Variants in GLI4 observed in about 807,000 individuals in gnomAD.
GLI4 encodes the protein GLI family zinc finger 4, also known as zinc finger protein GLI4.
GLI4 carries 34 observed loss-of-function variants against 30.9 expected under a neutral mutation model. The observed-to-expected ratio is 1.10, with a 90% CI of 0.84 to 1.47. GLI4 has a LOEUF of 1.47. GLI4 is among the 40% of genes most tolerant of loss of function. The probability of loss-of-function intolerance (pLI) is 0.00; values close to 1 mark genes in which losing one functional copy is unlikely to be tolerated. For synonymous variants in GLI4, 277 were observed against 236.7 expected (o/e 1.17, Z -1.56); for missense variants, 696 against 538.9 (o/e 1.29, Z -2.89).
At position 143,276,587 on chromosome 8, in the gene GLI4, T is replaced by A; in HGVS notation, c.914T>A (p.Ile305Asn). The A allele has an allele frequency of 4.4e-6, 7 of 1,601,192 alleles. No individual in the cohort carries two copies. The highest frequency in any genetic ancestry group is 6.0e-6 in the Non-Finnish European group (7 of 1,176,106). The change falls in exon 4 of 4, where the codon ATC becomes AAC. Residue 305 changes from isoleucine (I) to asparagine (N), a missense_variant. Physicochemically the swap from Ile to Asn is moderately radical, Grantham distance 149. Transcript: ENST00000340042. ...TGCAGCCAGTGCGGCAAGGCCTTCATCTGGAGCTCCGTGCTCATCGAGCAC... is the reference window on the plus strand; with the variant it reads ...TGCAGCCAGTGCGGCAAGGCCTTCAACTGGAGCTCCGTGCTCATCGAGCAC... ...YACSQCGKAF[I>N]WSSVLIEHQR...
rs539911918 is a variant in GLI4, at chr8:143,271,581, C to T, written c.124+2061C>T. On this transcript the variant is annotated intron_variant, in intron 2 of 3. Transcript: ENST00000340042. ...TAGGGATCAAGACAGGACTTGGAGC[C>T]GCAGCCTCCCAACTCCCAGAAAGAA... Among the ~76,000 whole-genome samples the T allele has an allele frequency of 2.7e-4, 41 of 152,288 alleles. No homozygotes were observed. In the South Asian group the frequency reaches 7.5e-3, roughly 28 times the overall value.
intron 3 of GLI4, chr8:143,275,639 GGCC>G (rs1227929478): frequency 1.6e-6 from 2 of 1,234,524 alleles, no homozygotes; most frequent in African/African-American, 3.1e-5. Context: ...GCACCGGCAC[GGCC>G]GCCGTGGTGA....
At position 143,276,089 on chromosome 8, in the gene GLI4, C is replaced by T; in HGVS notation, c.416C>T (p.Pro139Leu). ...QPPGAVPCAQPRGAWRVTLVQ... is the reference protein window; with the variant it reads ...QPPGAVPCAQLRGAWRVTLVQ... Reference sequence around the variant, plus strand: ...CCTGGGGCCGTCCCTTGCGCCCAGCCGCGGGGCGCCTGGCGCGTGACGCTC... The same window carrying T: ...CCTGGGGCCGTCCCTTGCGCCCAGCTGCGGGGCGCCTGGCGCGTGACGCTC... Residue 139 changes from proline to leucine, a missense_variant, in exon 4 of 4, where the codon CCG (proline) becomes CTG (leucine). Coordinates refer to ENST00000340042, the MANE Select transcript of GLI4 (RefSeq NM_138465.4). 8 of 1,412,590 alleles carry T rather than the reference C, an allele frequency of 5.7e-6. No homozygotes were observed. Among genetic ancestry groups the T allele is most frequent in the Non-Finnish European group, 7.3e-6 (8 of 1,094,340 alleles). 87.5% of individuals were successfully genotyped at this position (1,412,590 alleles called of 1,614,324 possible). A position where few individuals can be genotyped will look rare whatever the true frequency, so the allele number is the denominator to read the frequency against.
chr8:143,276,260 C>T lies in GLI4; in HGVS notation c.587C>T (p.Ser196Leu), dbSNP rs1285148710. ...EACGKSFKYN[S>L]LLLKHQRIHT... ...TGCGGCAAGAGTTTCAAGTATAACT[C>T]GCTGCTCCTGAAGCACCAGCGCATC... Residue 196 changes from serine to leucine, a missense_variant, in exon 4 of 4, where the codon TCG becomes TTG. Ser to Leu is a moderately radical substitution (Grantham distance 145). Coordinates refer to ENST00000340042, the MANE Select transcript of GLI4 (RefSeq NM_138465.4). 3 of 1,611,604 alleles carry T rather than the reference C, an allele frequency of 1.9e-6. No individual in the cohort carries two copies. Among genetic ancestry groups the T allele is most frequent in the East Asian group, 2.2e-5 (1 of 44,816 alleles).
At chr8:143,275,452 C>T in intron 3 of GLI4, 1 of 1,363,946 alleles carries the variant, frequency 7.3e-7, no homozygotes, top group Non-Finnish European at 9.4e-7. Context: ...ACACTTGCCA[C>T]CGAGGCCTGG....
chr8:143,274,675 A>AAG, intron 2 of GLI4, 29 bp from the exon 3 acceptor site: 2 of 1,533,014 alleles, frequency 1.3e-6, no homozygotes, highest in Non-Finnish European at 1.8e-6. Context: ...CAGAGGGTGG[A>AAG]GGTGAGCCCC....
Position 143,269,428 on chromosome 8 carries a change from C to T in GLI4, c.32C>T (p.Pro11Leu), listed in dbSNP as rs753198667. The part of the protein sequence containing the change: MAALGDIQES[P>L]SVPSPVSLSS... ...GCCCTAGGGGACATTCAGGAGTCCC[C>T]TTCTGTCCCGTCCCCTGTCAGTCTC... Residue 11 changes from proline to leucine, a missense_variant, in exon 2 of 4, where the codon CCT becomes CTT. Transcript: ENST00000340042. 7.5e-6 allele frequency: 12 copies of T among 1,608,912 alleles called. No homozygotes were observed. Among genetic ancestry groups the T allele is most frequent in the African/African-American group, 1.3e-5 (1 of 74,826 alleles).
Position 143,276,315 on chromosome 8 carries a change from C to T in GLI4, c.642C>T (p.His214=), listed in dbSNP as rs983688030. The change falls in exon 4 of 4, where the codon CAC becomes CAT. Residue 214 remains histidine (H), a synonymous_variant. Coordinates refer to ENST00000340042, the MANE Select transcript of GLI4 (RefSeq NM_138465.4). The stretch of plus-strand genomic sequence containing the variant: ...CGGGCGAGAAGCCCTACGCCTGCCA[C>T]GAGTGCGGCAAGCGCTTCCGCGGCT... ...IHTGEKPYAC[H]ECGKRFRGWS... is the part of the protein sequence containing the mutation. The T allele has an allele frequency of 3.1e-6, 5 of 1,611,720 alleles. No homozygotes were observed. Among genetic ancestry groups the T allele is most frequent in the Admixed American group, 3.3e-5 (2 of 59,812 alleles).
chr8:143,273,437 C>G (rs1169196554), intron 2 of GLI4: 1 of 152,342 alleles, frequency 6.6e-6, no homozygotes, highest in Non-Finnish European at 1.5e-5. Flanking sequence ...TATCGGGCCT[C>G]CCCTCACTCC....
rs1287649229 is a variant in GLI4 at position 143,275,798 on chromosome 8, GCC to G, written c.224-93_224-92del. On this transcript the variant is annotated intron_variant, in intron 3 of 3. Transcript: ENST00000340042. Reference sequence around the variant, plus strand: ...CCTGGCCCCTCCTTGTCCCCTCTAAGCCCCCCCGTCCAGCTCTGCTCTCACTC... The same window carrying G: ...CCTGGCCCCTCCTTGTCCCCTCTAAGCCCCCGTCCAGCTCTGCTCTCACTC... 3.2e-6 allele frequency: 4 copies of G among 1,243,476 alleles called. No individual in the cohort carries two copies. The African/African-American group carries it at 6.2e-5, about 19-fold the overall frequency. The allele number at this position is 1,243,476 out of a possible 1,614,324, so 77.0% of individuals were successfully genotyped here. A position where few individuals can be genotyped will look rare whatever the true frequency, so the allele number is the denominator to read the frequency against.
Position 143,276,186 on chromosome 8 carries a change from G to T in GLI4, c.513G>T (p.Arg171=), listed in dbSNP as rs561535281. 5.1e-6 allele frequency: 8 copies of T among 1,561,440 alleles called. No individual in the cohort carries two copies. Among genetic ancestry groups the T allele is most frequent in the Middle Eastern group, 1.8e-4 (1 of 5,520 alleles). The change falls in exon 4 of 4, where the codon CGG becomes CGT. Residue 171 remains arginine (R), a synonymous_variant. Coordinates refer to ENST00000340042, the MANE Select transcript of GLI4 (RefSeq NM_138465.4). ...RAAELGVNFG[R]SRQGSARGAK... ...CCGAGCTGGGAGTCAACTTCGGTCG[G>T]AGCCGGCAGGGCAGCGCGCGGGGGG...
chr8:143,268,452 T>C lies in GLI4; in HGVS notation c.-37-908T>C, dbSNP rs1431423673. 3.3e-5 allele frequency among the ~76,000 whole-genome samples: 5 copies of C among 152,342 alleles called. 1 individual carries two copies. The South Asian group carries it at 1.0e-3, about 32-fold the overall frequency. On this transcript the variant is annotated intron_variant, in intron 1 of 3. Transcript: ENST00000340042. ...TAAACTAAGAAGTGTCTTGGAGCCC[T>C]GAGTGAGTCTCCCAGTGCTGCTGCA...
rs569036599 is a variant in GLI4 at position 143,270,299 on chromosome 8, C to T, written c.124+779C>T. On this transcript the variant is annotated intron_variant, in intron 2 of 3. Coordinates refer to ENST00000340042, the MANE Select transcript of GLI4 (RefSeq NM_138465.4). Reference sequence around the variant, plus strand: ...CACTGAGGCTTGTGGAGAGCAGCTGCGCTGCATGGGGCCCTCAGGTGGGCA... The same window carrying T: ...CACTGAGGCTTGTGGAGAGCAGCTGTGCTGCATGGGGCCCTCAGGTGGGCA... Among the ~76,000 whole-genome samples, 18 of 152,350 alleles carry T rather than the reference C, an allele frequency of 1.2e-4. No homozygotes were observed. The South Asian group carries it at 3.3e-3, about 28-fold the overall frequency.
intron 2 of GLI4, 71 bp from the exon 3 acceptor site, chr8:143,274,633 G>C: frequency 6.9e-7 from 1 of 1,454,236 alleles, no homozygotes; most frequent in Non-Finnish European, 9.2e-7. Flanking sequence ...CCGGGAGCAC[G>C]TGGCGGTCAG....
In GLI4 at chr8:143,274,727, G is replaced by A. The variant is rs551802787; in HGVS notation, c.148G>A (p.Val50Met). Residue 50 changes from valine (V) to methionine (M), a missense_variant, in exon 3 of 4, where the codon GTG becomes ATG. Physicochemically the swap from Val to Met is conservative, Grantham distance 21. Transcript: ENST00000340042. Reference protein sequence around the residue: ...QHGSPGSSPKVLSQPSDLDLQ... With the variant: ...QHGSPGSSPKMLSQPSDLDLQ... ...AGGCTCCCCTGGCTCCAGCCCTAAG[G>A]TGCTCTCCCAGCCGTCCGACCTGGA... The A allele has an allele frequency of 1.3e-6, 2 of 1,565,446 alleles. No homozygotes were observed. Among genetic ancestry groups the A allele is most frequent in the African/African-American group, 1.4e-5 (1 of 73,506 alleles).
intron 1 of GLI4, 157 bp downstream of exon 1, chr8:143,267,641 G>A (rs1484922119): frequency 3.0e-6 from 3 of 985,240 alleles, no homozygotes; most frequent in Non-Finnish European, 3.6e-6. Context: ...CAAGCCCGGG[G>A]AGCGGGGTGG....
chr8:143,274,747 C>G lies in GLI4; in HGVS notation c.168C>G (p.Asp56Glu), dbSNP rs374942323. 11 of 1,571,484 alleles carry G rather than the reference C, an allele frequency of 7.0e-6. No individual in the cohort carries two copies. The African/African-American group carries it at 1.4e-4, about 19-fold the overall frequency. ...CTAAGGTGCTCTCCCAGCCGTCCGA[C>G]CTGGATCTCCAAGACGTAGAGGAAG... Reference protein sequence around the residue: ...SSPKVLSQPSDLDLQDVEEVE... With the variant: ...SSPKVLSQPSELDLQDVEEVE... The change falls in exon 3 of 4, where the codon GAC becomes GAG. Residue 56 changes from aspartate (D) to glutamate (E), a missense_variant. Transcript: ENST00000340042.
At position 143,269,488 on chromosome 8, in the gene GLI4, A is replaced by G; in HGVS notation, c.92A>G (p.Glu31Gly). The G allele has an allele frequency of 6.2e-7, 1 of 1,613,026 alleles. No individual in the cohort carries two copies. Among genetic ancestry groups the G allele is most frequent in the South Asian group, 1.1e-5 (1 of 91,074 alleles). Residue 31 changes from glutamate (E) to glycine (G), a missense_variant, in exon 2 of 4, where the codon GAG (glutamate) becomes GGG (glycine). Coordinates refer to ENST00000340042, the MANE Select transcript of GLI4 (RefSeq NM_138465.4). The part of the protein sequence containing the change: ...SPGTPGTQHH[E>G]PQLHLHGHQH... ...GGGACACCTGGAACCCAGCACCACG[A>G]GCCTCAGCTTCACCTCCATGGGCAT... is the stretch of plus-strand genomic sequence containing the variant.
chr8:143,267,645 G>C (rs1217945049), intron 1 of GLI4, 161 bp downstream of exon 1: 22 of 985,264 alleles, frequency 2.2e-5, no homozygotes, highest in South Asian at 1.9e-4. Context: ...CCCGGGGAGC[G>C]GGGTGGGCTC....
Sources: gnomAD v4.1 joint callset for allele counts (sites outside exome capture counted in the v4.1 genomes callset) on GRCh38, gnomAD v4.1.1 for gene constraint, MANE v1.5 for transcripts, NCBI Gene and HGNC (gene_info 2026-07-23, HGNC 2026-07-21) for gene names.